The following ASIC2 variants were observed in gnomAD, a reference collection of about 807,000 sequenced individuals.
The protein encoded by ASIC2 is acid-sensing ion channel 2.
A neutral mutation model predicts 57.3 loss-of-function variants in ASIC2; 25 were observed. That is an observed-to-expected ratio of 0.44 (90% confidence interval 0.32 to 0.61). The LOEUF (loss-of-function observed/expected upper bound fraction) is 0.61. Ranked by LOEUF, ASIC2 falls within the 20% of genes least tolerant of loss-of-function variation. The pLI, the probability that ASIC2 is intolerant of heterozygous loss-of-function variation, is 0.06. For missense variants in ASIC2, 641 were observed against 738.1 expected (o/e 0.87, Z 1.52); for synonymous variants, 319 against 307.5 (o/e 1.04, Z -0.39).
At chr17:33,564,527 T>G (rs1916171634) in intron 1 of ASIC2, among the ~76,000 whole-genome samples, 1 of 152,234 alleles carries the variant, frequency 6.6e-6, no homozygotes, top group South Asian at 2.1e-4. Flanking sequence ...TTATCCTTTT[T>G]ATTTGTTGTC....
At chr17:33,014,317 T>C (rs1159966375) in intron 9 of ASIC2, among the ~76,000 whole-genome samples, 1 of 152,090 alleles carries the variant, frequency 6.6e-6, no homozygotes, top group Non-Finnish European at 1.5e-5. Context: ...GTTTGATCCC[T>C]CTTAGAGGTG....
chr17:33,916,149 A>C (rs566611808), intron 1 of ASIC2, among the ~76,000 whole-genome samples: 1 of 152,048 alleles, frequency 6.6e-6, no homozygotes, highest in Non-Finnish European at 1.5e-5. Context: ...TTCACTCCCA[A>C]CATATGAGAT....
chr17:33,380,333 A>G (rs979133932), intron 1 of ASIC2, among the ~76,000 whole-genome samples: 1 of 152,036 alleles, frequency 6.6e-6, no homozygotes, highest in African/African-American at 2.4e-5. Flanking sequence ...GACTCTTATC[A>G]TGTACATGAT....
intron 1 of ASIC2, among the ~76,000 whole-genome samples, chr17:33,558,295 T>G (rs914577919): frequency 8.5e-5 from 13 of 152,242 alleles, no homozygotes; most frequent in Non-Finnish European, 1.9e-4. Flanking sequence ...TTAGTAATTT[T>G]TGTTGTATCC....
chr17:33,032,598 A>G (rs1394484400), intron 3 of ASIC2, among the ~76,000 whole-genome samples: 1 of 151,906 alleles, frequency 6.6e-6, no homozygotes, highest in Non-Finnish European at 1.5e-5. Flanking sequence ...ACAGGGATGC[A>G]CCACCATGCC....
intron 1 of ASIC2, among the ~76,000 whole-genome samples, chr17:33,397,002 C>T (rs1393096834): frequency 6.6e-6 from 1 of 152,204 alleles, no homozygotes; most frequent in Non-Finnish European, 1.5e-5. Flanking sequence ...TCTTTCACGG[C>T]CCAGCACAAA....
intron 1 of ASIC2, among the ~76,000 whole-genome samples, chr17:34,013,255 G>A (rs1022055345): frequency 3.9e-5 from 6 of 152,194 alleles, no homozygotes; most frequent in African/African-American, 1.4e-4. Flanking sequence ...TGTCCCTGGG[G>A]TTGGGTGGAG....
intron 1 of ASIC2, among the ~76,000 whole-genome samples, chr17:33,787,512 G>A (rs1911641641): frequency 1.3e-5 from 2 of 152,212 alleles, no homozygotes; most frequent in Non-Finnish European, 1.5e-5. Flanking sequence ...TGGGTCTCAG[G>A]AAAAGGAGAA....
At chr17:33,844,615 G>A (rs1913529020) in intron 1 of ASIC2, among the ~76,000 whole-genome samples, 1 of 152,204 alleles carries the variant, frequency 6.6e-6, no homozygotes, top group South Asian at 2.1e-4. Context: ...TGGGAATGGA[G>A]AGTAACCGGT....
chr17:33,804,005 A>G (rs1912204755), intron 1 of ASIC2, among the ~76,000 whole-genome samples: 1 of 152,140 alleles, frequency 6.6e-6, no homozygotes, highest in South Asian at 2.1e-4. Context: ...TTGTTAGGAA[A>G]GATCTAAAAA....
intron 1 of ASIC2, among the ~76,000 whole-genome samples, chr17:33,878,336 T>C (rs1303806852): frequency 1.3e-5 from 2 of 152,052 alleles, no homozygotes; most frequent in African/African-American, 4.8e-5. Context: ...TTCGAACCCA[T>C]AGCAAACAAG....
At chr17:33,732,642 T>A (rs1308098563) in intron 1 of ASIC2, among the ~76,000 whole-genome samples, 1 of 152,004 alleles carries the variant, frequency 6.6e-6, no homozygotes, top group Non-Finnish European at 1.5e-5. Flanking sequence ...TTATTTTTTA[T>A]TTTTTATTTT....
Position 34,083,031 on chromosome 17 carries a change from T to C in ASIC2, c.555+72947A>G, listed in dbSNP as rs181691082. Among the ~76,000 whole-genome samples the C allele has an allele frequency of 1.0e-3, 152 of 149,602 alleles. 1 individual carries two copies. Among genetic ancestry groups the C allele is most frequent in the East Asian group, 6.9e-3 (35 of 5,044 alleles). ...TTTCCTTTGCATGCTATTTTTTTTT[T>C]ATCATTATACTTTAAGTTTTAGGGT... On this transcript the variant is annotated intron_variant, in intron 1 of 9. Coordinates refer to the ASIC2 transcript ENST00000359872.
intron 1 of ASIC2, among the ~76,000 whole-genome samples, chr17:33,937,437 T>TC (rs58766354): frequency 2.0e-5 from 3 of 149,098 alleles, no homozygotes; most frequent in Non-Finnish European, 1.5e-5. Flanking sequence ...TTTTTTTTTT[T>TC]CCCCATCAGA....
chr17:33,713,340 G>A (rs567643215), intron 1 of ASIC2, among the ~76,000 whole-genome samples: 2 of 152,312 alleles, frequency 1.3e-5, no homozygotes, highest in South Asian at 4.1e-4. Flanking sequence ...AGTTTCAACA[G>A]GATCACCCTC....
At chr17:33,579,918 GAGAGCTGATTGGTCCA>G in intron 1 of ASIC2, among the ~76,000 whole-genome samples, 1 of 152,120 alleles carries the variant, frequency 6.6e-6, no homozygotes, top group Non-Finnish European at 1.5e-5. Context: ...CCATTTTACA[GAGAGCTGATTGGTCCA>G]TTTTTCAGAA....
intron 1 of ASIC2, among the ~76,000 whole-genome samples, chr17:33,478,759 C>T (rs1434914421): frequency 1.3e-5 from 2 of 152,234 alleles, no homozygotes; most frequent in East Asian, 1.9e-4. Flanking sequence ...AATTGATTTG[C>T]CCAAGGTTCT....
At chr17:34,118,311 A>T (rs1911489183) in intron 1 of ASIC2, 1 of 152,256 alleles carries the variant, frequency 6.6e-6, no homozygotes, top group Admixed American at 6.5e-5. Flanking sequence ...ACACATAATA[A>T]TAATTCATGA....
chr17:33,154,076 C>T (rs915679215), intron 1 of ASIC2, among the ~76,000 whole-genome samples: 2 of 152,144 alleles, frequency 1.3e-5, no homozygotes, highest in East Asian at 3.9e-4. Context: ...ACTAGGGTGA[C>T]CAGGCATCCC....
Sources: gnomAD v4.1 joint callset for allele counts (sites outside exome capture counted in the v4.1 genomes callset) on GRCh38, gnomAD v4.1.1 for gene constraint, MANE v1.5 for transcripts, NCBI Gene and HGNC (gene_info 2026-07-23, HGNC 2026-07-21) for gene names.